Variants in CTNNA2 observed in about 807,000 individuals in gnomAD.
CTNNA2 encodes the protein catenin alpha-2.
CTNNA2 carries 42 observed loss-of-function variants against 101.0 expected under a neutral mutation model. The ratio of observed to expected loss-of-function variants is 0.42; its 90% CI spans 0.32 to 0.54. The LOEUF (loss-of-function observed/expected upper bound fraction) is 0.54, where lower values mean the gene tolerates loss of function less well. CTNNA2 is among the 20% of genes least tolerant of loss of function. The pLI, the probability that CTNNA2 is intolerant of heterozygous loss-of-function variation, is 0.14. For synonymous variants in CTNNA2, 450 were observed against 456.4 expected (o/e 0.99, Z 0.18); for missense variants, 871 against 1,223.1 (o/e 0.71, Z 4.29).
intron 4 of CTNNA2, among the ~76,000 whole-genome samples, chr2:79,402,582 GTCTC>G (rs1297754942): frequency 1.3e-5 from 2 of 151,420 alleles, no homozygotes; most frequent in Non-Finnish European, 3.0e-5. Flanking sequence ...TATAAATATG[GTCTC>G]TCTCTCTGTC....
chr2:79,414,803 C>A (rs1167106723), intron 4 of CTNNA2, among the ~76,000 whole-genome samples: 1 of 152,028 alleles, frequency 6.6e-6, no homozygotes, highest in Non-Finnish European at 1.5e-5. Context: ...CATTAACCAC[C>A]ACACAGGGGA....
chr2:80,362,045 A>C (rs576292389), intron 7 of CTNNA2, among the ~76,000 whole-genome samples: 1 of 152,164 alleles, frequency 6.6e-6, no homozygotes, highest in Non-Finnish European at 1.5e-5. Flanking sequence ...TAGGGTGACC[A>C]TCTGTTTTAG....
At chr2:79,472,285 C>A (rs1864549) in intron 4 of CTNNA2, among the ~76,000 whole-genome samples, 10,780 of 152,224 alleles carry the variant, frequency 0.071, 771 homozygotes, top group African/African-American at 0.19. Context: ...TCATGCCCTG[C>A]CTTCAGGTGG....
At chr2:80,405,359 G>A (rs1290198958) in intron 8 of CTNNA2, among the ~76,000 whole-genome samples, 1 of 152,156 alleles carries the variant, frequency 6.6e-6, no homozygotes, top group Non-Finnish European at 1.5e-5. Flanking sequence ...GAAAACCCTA[G>A]TGGGTTGACT....
At chr2:79,347,031 A>G (rs1677279039) in intron 3 of CTNNA2, among the ~76,000 whole-genome samples, 1 of 152,176 alleles carries the variant, frequency 6.6e-6, no homozygotes, top group South Asian at 2.1e-4. Context: ...TTAAAGTCCA[A>G]ACTTCAACAT....
intron 12 of CTNNA2, among the ~76,000 whole-genome samples, chr2:80,569,514 A>G (rs185386541): frequency 8.5e-5 from 13 of 152,150 alleles, no homozygotes; most frequent in African/African-American, 2.6e-4. Context: ...TTAATACACA[A>G]TGTGTGCATC....
intron 1 of CTNNA2, among the ~76,000 whole-genome samples, chr2:79,611,569 T>C (rs1442710879): frequency 6.6e-6 from 1 of 152,160 alleles, no homozygotes; most frequent in Non-Finnish European, 1.5e-5. Context: ...AACATATTGC[T>C]GCTTTTAAGT....
intron 7 of CTNNA2, among the ~76,000 whole-genome samples, chr2:80,324,556 T>A (rs1679057136): frequency 6.6e-6 from 1 of 152,182 alleles, no homozygotes; most frequent in African/African-American, 2.4e-5. Context: ...ACCTAGGAAT[T>A]GTGAGAAATG....
chr2:79,543,905 C>G (rs1330697658), intron 1 of CTNNA2, among the ~76,000 whole-genome samples: 2 of 152,162 alleles, frequency 1.3e-5, no homozygotes, highest in East Asian at 3.9e-4. Context: ...TATTCTTGGA[C>G]AAGGGAAGAG....
At chr2:80,300,281 G>GGTGTGTGT (rs70940079) in intron 7 of CTNNA2, among the ~76,000 whole-genome samples, 99 of 93,154 alleles carry the variant, frequency 1.1e-3, no homozygotes, top group African/African-American at 2.0e-3. Context: ...GGGGTGTTGG[G>GGTGTGTGT]GTGTGTGTGT....
intron 4 of CTNNA2, among the ~76,000 whole-genome samples, chr2:79,410,091 G>A (rs1357963555): frequency 1.3e-4 from 19 of 147,970 alleles, no homozygotes; most frequent in African/African-American, 4.5e-4. Context: ...CTCATGATTT[G>A]GCCCTCTGTT....
At chr2:79,755,134 G>A (rs1327561462) in intron 3 of CTNNA2, among the ~76,000 whole-genome samples, 1 of 151,978 alleles carries the variant, frequency 6.6e-6, no homozygotes, top group Non-Finnish European at 1.5e-5. Context: ...AAACCAGCCT[G>A]GGCAAGATAG....
intron 3 of CTNNA2, among the ~76,000 whole-genome samples, chr2:79,764,193 C>T (rs1672983873): frequency 6.6e-6 from 1 of 152,130 alleles, no homozygotes; most frequent in African/African-American, 2.4e-5. Flanking sequence ...GAACAACATA[C>T]AGTAAATTTT....
At chr2:80,351,362 G>T (rs986386794) in intron 7 of CTNNA2, among the ~76,000 whole-genome samples, 2 of 152,048 alleles carry the variant, frequency 1.3e-5, no homozygotes, top group Non-Finnish European at 2.9e-5. Context: ...CCTCCAACAG[G>T]TCAGTTTATT....
At chr2:80,502,491 A>T (rs1328465494) in intron 9 of CTNNA2, among the ~76,000 whole-genome samples, 1 of 152,232 alleles carries the variant, frequency 6.6e-6, no homozygotes, top group Non-Finnish European at 1.5e-5. Flanking sequence ...CTAAAGACAA[A>T]GACAAATTAC....
chr2:79,431,356 T>C (rs1678657443), intron 4 of CTNNA2, among the ~76,000 whole-genome samples: 1 of 152,152 alleles, frequency 6.6e-6, no homozygotes, highest in Non-Finnish European at 1.5e-5. Context: ...GTTAGTGACA[T>C]ACAACAGCAA....
chr2:79,211,793 G>C (rs1674177321), intron 2 of CTNNA2, among the ~76,000 whole-genome samples: 1 of 152,140 alleles, frequency 6.6e-6, no homozygotes, highest in Non-Finnish European at 1.5e-5. Flanking sequence ...AAAATAAAAT[G>C]AAATAGTGGT....
At chr2:79,698,093 T>C (rs938913223) in intron 2 of CTNNA2, among the ~76,000 whole-genome samples, 1 of 152,120 alleles carries the variant, frequency 6.6e-6, no homozygotes, top group African/African-American at 2.4e-5. Context: ...GCGCTTGCTG[T>C]TGTGCTGTGA....
At chr2:80,414,174 T>C (rs1679838517) in intron 8 of CTNNA2, among the ~76,000 whole-genome samples, 1 of 152,196 alleles carries the variant, frequency 6.6e-6, no homozygotes, top group Non-Finnish European at 1.5e-5. Flanking sequence ...GATTGATTAG[T>C]AGTAGCTACT....
Sources: gnomAD v4.1 joint callset for allele counts (sites outside exome capture counted in the v4.1 genomes callset) on GRCh38, gnomAD v4.1.1 for gene constraint, MANE v1.5 for transcripts, NCBI Gene and HGNC (gene_info 2026-07-23, HGNC 2026-07-21) for gene names.